Variants in MUSK observed in about 807,000 individuals in gnomAD.
MUSK encodes muscle, skeletal receptor tyrosine-protein kinase.
MUSK carries 55 observed loss-of-function variants against 88.7 expected under a neutral mutation model. The ratio of observed to expected loss-of-function variants is 0.62; its 90% CI spans 0.50 to 0.78. The LOEUF is 0.78. Ranked by LOEUF, MUSK falls within the 30% of genes least tolerant of loss-of-function variation. MUSK has a pLI of 0.00. For missense variants in MUSK, 1,015 were observed against 1,074.3 expected, an observed-to-expected ratio of 0.94 and a Z score of 0.77; for synonymous variants, 387 against 391.9, an observed-to-expected ratio of 0.99 and a Z score of 0.15.
At chr9:110,777,120 G>C (rs1414894870) in intron 11 of MUSK, among the ~76,000 whole-genome samples, 2 of 151,966 alleles carry the variant, frequency 1.3e-5, no homozygotes, top group East Asian at 3.9e-4. Flanking sequence ...CCAGTATAAA[G>C]TTTATAGGAT....
At chr9:110,725,559 C>G (rs1351846018) in intron 5 of MUSK, among the ~76,000 whole-genome samples, 1 of 151,976 alleles carries the variant, frequency 6.6e-6, no homozygotes, top group African/African-American at 2.4e-5. Context: ...TAAGAGCAGT[C>G]ATTGATTATT....
chr9:110,696,011 A>T (rs535029072), intron 4 of MUSK, among the ~76,000 whole-genome samples: 2 of 152,236 alleles, frequency 1.3e-5, no homozygotes, highest in South Asian at 4.2e-4. Flanking sequence ...CTCCTGAGTC[A>T]TGAAGAGTAG....
At chr9:110,691,248 A>G (rs980649676) in intron 3 of MUSK, among the ~76,000 whole-genome samples, 6 of 152,086 alleles carry the variant, frequency 3.9e-5, no homozygotes, top group African/African-American at 1.4e-4. Context: ...CTTCAGCTTC[A>G]GTATGTCACT....
At chr9:110,762,322 G>C in intron 8 of MUSK, 114 bp downstream of exon 8, 1 of 698,336 alleles carries the variant, frequency 1.4e-6, no homozygotes, top group South Asian at 5.0e-5. Flanking sequence ...GTGCGGTGGA[G>C]TATGTTTTGT....
chr9:110,756,763 G>A (rs908278589), intron 7 of MUSK, among the ~76,000 whole-genome samples: 1 of 152,094 alleles, frequency 6.6e-6, no homozygotes, highest in Non-Finnish European at 1.5e-5. Flanking sequence ...CTATTTGTCT[G>A]GTTATAGGGC....
intron 6 of MUSK, among the ~76,000 whole-genome samples, chr9:110,743,459 A>C (rs1034903996): frequency 6.6e-6 from 1 of 152,226 alleles, no homozygotes; most frequent in Non-Finnish European, 1.5e-5. Context: ...TTTTATAACC[A>C]GATTTATTTA....
At chr9:110,688,673 T>C (rs1403411987) in intron 3 of MUSK, among the ~76,000 whole-genome samples, 1 of 151,920 alleles carries the variant, frequency 6.6e-6, no homozygotes, top group East Asian at 1.9e-4. Context: ...TGTTCATGTG[T>C]TCCCATCGTT....
chr9:110,699,771 G>T (rs1328705355), intron 5 of MUSK, among the ~76,000 whole-genome samples: 1 of 152,184 alleles, frequency 6.6e-6, no homozygotes, highest in East Asian at 1.9e-4. Context: ...TATGTATCAA[G>T]TCGTAACTCT....
rs1564209898 is a variant in MUSK, at chr9:110,681,110, A to AT, written c.80-1563dup. ...TAATATATATTATATAATATATATT[A>AT]TATATAATATATATTATATATATTA... On this transcript the variant is annotated intron_variant, in intron 1 of 14. Coordinates refer to ENST00000374448, the MANE Select transcript of MUSK (RefSeq NM_005592.4). 2.0e-3 allele frequency among the ~76,000 whole-genome samples: 119 copies of AT among 59,424 alleles called. 4 individuals carry two copies. The highest frequency in any genetic ancestry group is 9.4e-3 in the African/African-American group (115 of 12,216). 39.0% of individuals were successfully genotyped at this position (59,424 alleles called of 152,430 possible).
At chr9:110,770,894 A>C (rs112264233) in intron 9 of MUSK, among the ~76,000 whole-genome samples, 194 of 152,198 alleles carry the variant, frequency 1.3e-3, no homozygotes, top group African/African-American at 4.5e-3. Context: ...CCTTATTTTA[A>C]TAAAACTGCC....
At chr9:110,764,582 TTAGATAGATAGATAGATAGATTAGATAGA>T (rs2077447114) in intron 8 of MUSK, among the ~76,000 whole-genome samples, 1 of 149,298 alleles carries the variant, frequency 6.7e-6, no homozygotes, top group Non-Finnish European at 1.5e-5. Context: ...ATATATAAAT[TTAGATAGATAGATAGATAGATTAGATAGA>T]TAGATAGATA....
rs1347195237 is a variant in MUSK, at chr9:110,747,703, G to A, written c.816G>A (p.Leu272=). ...GAGTGATTGACTCAAGACTGCAGCT[G>A]TTTATCACCAAGCCAGGACTCTACA... ...KDRVIDSRLQ[L]FITKPGLYTC... The change falls in exon 7 of 15, where the codon CTG becomes CTA. Residue 272 remains leucine (L), a synonymous_variant. Transcript: ENST00000374448. 1.9e-6 allele frequency: 3 copies of A among 1,613,816 alleles called. No individual in the cohort carries two copies. Among genetic ancestry groups the A allele is most frequent in the Non-Finnish European group, 2.5e-6 (3 of 1,179,792 alleles).
intron 5 of MUSK, among the ~76,000 whole-genome samples, chr9:110,713,254 C>CT (rs920096436): frequency 8.0e-6 from 1 of 124,596 alleles, no homozygotes; most frequent in Non-Finnish European, 1.7e-5. Context: ...TCTCTTGGAC[C>CT]TTTTTTTCTT....
rs201639582 is a variant in MUSK, at chr9:110,784,958, C to T, written c.1528C>T (p.Leu510Phe). 1 of 1,613,870 alleles carries T rather than the reference C, an allele frequency of 6.2e-7. No individual in the cohort carries two copies. The highest frequency in any genetic ancestry group is 1.1e-5 in the South Asian group (1 of 91,082). The change falls in exon 12 of 15, where the codon CTT becomes TTT. Residue 510 changes from leucine to phenylalanine, a missense_variant. Coordinates refer to ENST00000374448, the MANE Select transcript of MUSK (RefSeq NM_005592.4). ...IMSSFAIFVL[L>F]TITTLYCCRR... ...GTCCAGCTTTGCAATATTTGTGCTT[C>T]TTACCATAACTACTCTCTATTGCTG... is the stretch of plus-strand genomic sequence containing the variant.
At chr9:110,717,653 ATCTTTG>A (rs1357410952) in intron 5 of MUSK, among the ~76,000 whole-genome samples, 3 of 150,006 alleles carry the variant, frequency 2.0e-5, no homozygotes, top group Non-Finnish European at 4.4e-5. Flanking sequence ...GTGAGCAGAT[ATCTTTG>A]TCTTTGTCTT....
At position 110,785,683 on chromosome 9, in the gene MUSK, C is replaced by T. The variant is rs756096336; in HGVS notation, c.1743C>T (p.Ile581=). ...ATAACATTGAATATGTGAGAGACATCGGAGAGGGAGCGTTTGGAAGGGTGT... is the reference window on the plus strand; with the variant it reads ...ATAACATTGAATATGTGAGAGACATTGGAGAGGGAGCGTTTGGAAGGGTGT... The part of the protein sequence containing the change: ...PRNNIEYVRD[I]GEGAFGRVFQ... Residue 581 remains isoleucine (I), a synonymous_variant, in exon 13 of 15, where the codon ATC becomes ATT. Transcript: ENST00000374448. 7.5e-6 allele frequency: 12 copies of T among 1,607,020 alleles called. No homozygotes were observed. Among genetic ancestry groups the T allele is most frequent in the African/African-American group, 2.7e-5 (2 of 74,644 alleles).
rs1351143041 is a variant in MUSK at position 110,805,962 on chromosome 9, T to A, written c.*4974T>A. On this transcript the variant is annotated 3_prime_UTR_variant, in exon 15 of 15. Coordinates refer to ENST00000374448, the MANE Select transcript of MUSK (RefSeq NM_005592.4). ...AGTTTTTCTCTATAATCTTGGTTAG[T>A]TTATTTTTAAATAATTGTTATTTAT... 3.9e-5 allele frequency among the ~76,000 whole-genome samples: 6 copies of A among 152,038 alleles called. No individual in the cohort carries two copies.
intron 3 of MUSK, among the ~76,000 whole-genome samples, chr9:110,689,161 T>C (rs1321777729): frequency 1.7e-5 from 2 of 114,372 alleles, no homozygotes; most frequent in Non-Finnish European, 3.2e-5. Flanking sequence ...ATATAAAATA[T>C]AAATAAACTA....
intron 5 of MUSK, among the ~76,000 whole-genome samples, chr9:110,731,126 T>C (rs1587966416): frequency 1.3e-5 from 2 of 152,218 alleles, no homozygotes; most frequent in South Asian, 2.1e-4. Context: ...CAAATATTCA[T>C]TGAGTGCCTA....
Sources: allele counts gnomAD v4.1 joint callset (sites outside exome capture counted in the v4.1 genomes callset), GRCh38; gene constraint gnomAD v4.1.1; transcripts MANE v1.5; gene names NCBI Gene and HGNC (gene_info 2026-07-23, HGNC 2026-07-21).